The following PTPRG variants were observed in gnomAD, a reference collection of about 807,000 sequenced individuals.
The protein encoded by PTPRG is receptor-type tyrosine-protein phosphatase gamma.
A neutral mutation model predicts 165.3 loss-of-function variants in PTPRG; 102 were observed. The observed-to-expected ratio is 0.62, with a 90% CI of 0.53 to 0.73. The LOEUF (loss-of-function observed/expected upper bound fraction) is 0.73, where lower values mean the gene tolerates loss of function less well. PTPRG is among the 30% of genes least tolerant of loss of function. The pLI, the probability that PTPRG is intolerant of heterozygous loss-of-function variation, is 0.00. For synonymous variants in PTPRG, 675 were observed against 669.5 expected, an observed-to-expected ratio of 1.01 and a Z score of -0.13; for missense variants, 1,866 against 1,861.4, an observed-to-expected ratio of 1.00 and a Z score of -0.05.
chr3:61,913,524 A>G (rs1052707253), intron 2 of PTPRG, among the ~76,000 whole-genome samples: 17 of 152,112 alleles, frequency 1.1e-4, no homozygotes, highest in African/African-American at 4.1e-4. Context: ...CGGCCGAGGG[A>G]CACCTTTTTC....
At chr3:62,124,256 G>T (rs1703197773) in intron 5 of PTPRG, 1 of 1,393,266 alleles carries the variant, frequency 7.2e-7, no homozygotes, top group African/African-American at 1.4e-5. Context: ...AGGGAATTCA[G>T]AAGCCTGCAA....
intron 5 of PTPRG, among the ~76,000 whole-genome samples, chr3:62,111,999 C>G (rs1702684271): frequency 1.3e-5 from 2 of 152,134 alleles, no homozygotes; most frequent in South Asian, 4.1e-4. Context: ...AAGAGGAAAC[C>G]ATGCATGTGA....
chr3:61,738,296 A>ATGTG lies in PTPRG; in HGVS notation c.86-10581_86-10580insGTGT, dbSNP rs1272645125. Among the ~76,000 whole-genome samples the ATGTG allele has an allele frequency of 8.6e-3, 360 of 42,092 alleles. 17 individuals are homozygous for ATGTG. The highest frequency in any genetic ancestry group is 0.016 in the Admixed American group (62 of 3,792). 27.6% of individuals were successfully genotyped at this position (42,092 alleles called of 152,430 possible). A position where few individuals can be genotyped will look rare whatever the true frequency, so the allele number is the denominator to read the frequency against. On this transcript the variant is annotated intron_variant, in intron 1 of 29. Coordinates refer to ENST00000474889, the MANE Select transcript of PTPRG (RefSeq NM_002841.4). ...TATATATACATATATATATATATAT[A>ATGTG]TATATATATATATATACATATATAT...
chr3:61,640,080 A>C (rs542839260), intron 1 of PTPRG, among the ~76,000 whole-genome samples: 1 of 152,314 alleles, frequency 6.6e-6, no homozygotes, highest in South Asian at 2.1e-4. Flanking sequence ...CTGGGTTTGC[A>C]TTCCACTGGA....
intron 2 of PTPRG, among the ~76,000 whole-genome samples, chr3:61,831,144 G>C (rs1428795738): frequency 6.6e-6 from 1 of 152,190 alleles, no homozygotes; most frequent in Non-Finnish European, 1.5e-5. Flanking sequence ...CTGATAAAAA[G>C]ATACTGATAC....
chr3:62,159,161 G>T (rs1704649224), intron 7 of PTPRG, among the ~76,000 whole-genome samples: 2 of 151,272 alleles, frequency 1.3e-5, no homozygotes, highest in Non-Finnish European at 2.9e-5. Context: ...CCCAATCTCT[G>T]CAAAAAAAAA....
In PTPRG at chr3:62,067,568, T is replaced by C. The variant is rs188817477; in HGVS notation, c.520-10595T>C. On this transcript the variant is annotated intron_variant, in intron 4 of 29. Coordinates refer to ENST00000474889, the MANE Select transcript of PTPRG (RefSeq NM_002841.4). ...AATTTTACAATGTATAATTGTATAATGTAGAATCAGTGGGAGCCCTGAGCG... is the reference window on the plus strand; with the variant it reads ...AATTTTACAATGTATAATTGTATAACGTAGAATCAGTGGGAGCCCTGAGCG... 5.3e-4 allele frequency among the ~76,000 whole-genome samples: 80 copies of C among 152,294 alleles called. 1 individual carries two copies. The highest frequency in any genetic ancestry group is 9.2e-4 in the Admixed American group (14 of 15,296).
At chr3:61,923,677 C>T (rs1313668267) in intron 2 of PTPRG, among the ~76,000 whole-genome samples, 1 of 147,222 alleles carries the variant, frequency 6.8e-6, no homozygotes, top group East Asian at 2.0e-4. Context: ...CCACCATGTC[C>T]AGTTTATTTT....
At chr3:62,158,778 C>G (rs533109769) in intron 7 of PTPRG, among the ~76,000 whole-genome samples, 1 of 152,250 alleles carries the variant, frequency 6.6e-6, no homozygotes, top group African/African-American at 2.4e-5. Flanking sequence ...ATTTTACTTT[C>G]AGATTTTTTT....
intron 7 of PTPRG, among the ~76,000 whole-genome samples, chr3:62,159,079 C>T (rs1046123537): frequency 1.3e-5 from 2 of 151,724 alleles, no homozygotes; most frequent in Non-Finnish European, 2.9e-5. Flanking sequence ...AATTTCAGCA[C>T]TTTGGGAGGG....
intron 4 of PTPRG, among the ~76,000 whole-genome samples, chr3:62,023,379 A>G (rs2041742129): frequency 1.3e-5 from 2 of 152,148 alleles, no homozygotes; most frequent in Admixed American, 1.3e-4. Context: ...CTATGAGTGT[A>G]TATCTCTCTG....
intron 2 of PTPRG, among the ~76,000 whole-genome samples, chr3:61,971,588 A>C (rs370562830): frequency 6.6e-6 from 1 of 152,232 alleles, no homozygotes; most frequent in African/African-American, 2.4e-5. Context: ...TAACTAGTCC[A>C]TGAGCAAGTT....
At chr3:61,652,705 C>T (rs907402703) in intron 1 of PTPRG, among the ~76,000 whole-genome samples, 2 of 152,100 alleles carry the variant, frequency 1.3e-5, no homozygotes, top group South Asian at 2.1e-4. Flanking sequence ...TTTTGGGCCC[C>T]GATAGTTCTG....
chr3:61,621,021 CAG>C (rs1701435486), intron 1 of PTPRG, among the ~76,000 whole-genome samples: 1 of 111,556 alleles, frequency 9.0e-6, no homozygotes, highest in Admixed American at 9.8e-5. Flanking sequence ...ACCCATGCCC[CAG>C]TGTGTGTGTG....
chr3:61,893,872 G>A (rs894713342), intron 2 of PTPRG, among the ~76,000 whole-genome samples: 2 of 152,156 alleles, frequency 1.3e-5, no homozygotes. Context: ...CATTTCTTTG[G>A]TGCTGGTCAG....
At chr3:61,859,360 G>C (rs953518520) in intron 2 of PTPRG, among the ~76,000 whole-genome samples, 1 of 152,020 alleles carries the variant, frequency 6.6e-6, no homozygotes, top group African/African-American at 2.4e-5. Flanking sequence ...TTAATGTCAC[G>C]GTGTTAGTAA....
Position 61,954,636 on chromosome 3 carries a change from A to G in PTPRG, c.191-34989A>G, listed in dbSNP as rs569142364. The stretch of plus-strand genomic sequence containing the variant: ...GAGGAGGCTAGACTCAAGCGAAGCC[A>G]GGGGGAGAATTTAAGGTGAAGATTT... On this transcript the variant is annotated intron_variant, in intron 2 of 29. Transcript: ENST00000474889. Among the ~76,000 whole-genome samples, 72 of 152,308 alleles carry G rather than the reference A, an allele frequency of 4.7e-4. 1 individual carries two copies. In the East Asian group the frequency reaches 6.8e-3, roughly 14 times the overall value.
intron 2 of PTPRG, among the ~76,000 whole-genome samples, chr3:61,910,759 A>G (rs1257934900): frequency 3.3e-5 from 5 of 152,128 alleles, no homozygotes; most frequent in African/African-American, 1.2e-4. Flanking sequence ...CTTTCCCCAC[A>G]GAACCCCCTG....
chr3:61,800,908 G>A (rs899111083), intron 2 of PTPRG, among the ~76,000 whole-genome samples: 21 of 152,260 alleles, frequency 1.4e-4, no homozygotes, highest in South Asian at 1.0e-3. Flanking sequence ...GCCTCCCAAA[G>A]TGCTGGGATT....
Sources: gnomAD v4.1 joint callset for allele counts (sites outside exome capture counted in the v4.1 genomes callset) on GRCh38, gnomAD v4.1.1 for gene constraint, MANE v1.5 for transcripts, NCBI Gene and HGNC (gene_info 2026-07-23, HGNC 2026-07-21) for gene names.